Variants in HEY2 observed in about 807,000 individuals in gnomAD.
The protein encoded by HEY2 is hes related family bHLH transcription factor with YRPW motif 2, also known as hairy/enhancer-of-split related with YRPW motif protein 2.
HEY2 carries 10 observed loss-of-function variants against 18.1 expected under a neutral mutation model. The observed-to-expected ratio is 0.55, with a 90% CI of 0.34 to 0.94. The LOEUF (loss-of-function observed/expected upper bound fraction) is 0.94. Among genes scored for constraint, HEY2 ranks in the 40% least tolerant of loss-of-function variants. HEY2 has a pLI of 0.02. For synonymous variants in HEY2, 210 were observed against 182.7 expected, an observed-to-expected ratio of 1.15 and a Z score of -1.21; for missense variants, 455 against 455.9, an observed-to-expected ratio of 1.00 and a Z score of 0.02.
intron 4 of HEY2, among the ~76,000 whole-genome samples, chr6:125,755,280 C>G (rs933836974): frequency 6.6e-6 from 1 of 152,170 alleles, no homozygotes; most frequent in Non-Finnish European, 1.5e-5. Context: ...CTAAAAACAG[C>G]CTTGAGATCC....
intron 4 of HEY2, among the ~76,000 whole-genome samples, chr6:125,758,480 T>TA (rs1491368269): frequency 6.6e-6 from 1 of 152,240 alleles, no homozygotes; most frequent in Non-Finnish European, 1.5e-5. Context: ...AAATTTTTTT[T>TA]AAAAACTCAT....
At chr6:125,756,101 AG>A (rs1407882007) in intron 4 of HEY2, among the ~76,000 whole-genome samples, 1 of 152,226 alleles carries the variant, frequency 6.6e-6, no homozygotes, top group Non-Finnish European at 1.5e-5. Flanking sequence ...TATTGTTCTT[AG>A]GCTTTATTAT....
At chr6:125,751,946 A>T in intron 2 of HEY2, 61 bp from the exon 3 acceptor site, 1 of 1,586,864 alleles carries the variant, frequency 6.3e-7, no homozygotes, top group Non-Finnish European at 8.6e-7. Flanking sequence ...ACATTTTTTC[A>T]TTTGAGTAAT....
At position 125,754,489 on chromosome 6, in the gene HEY2, G is replaced by A; in HGVS notation, c.271G>A (p.Glu91Lys). The change falls in exon 4 of 5, where the codon GAA becomes AAA. Residue 91 changes from glutamate to lysine, a missense_variant. By Grantham distance (56) the Glu-to-Lys change is moderately conservative. Coordinates refer to ENST00000368364, the MANE Select transcript of HEY2 (RefSeq NM_012259.3). ...KQGSAKLEKAEILQMTVDHLK... is the reference protein window; with the variant it reads ...KQGSAKLEKAKILQMTVDHLK... The stretch of plus-strand genomic sequence containing the variant: ...GGGATCTGCAAAGTTAGAAAAAGCT[G>A]AAATATTGCAAATGACAGTGGATCA... 6.2e-7 allele frequency: 1 copy of A among 1,600,110 alleles called. No homozygotes were observed.
chr6:125,761,111 A>G lies in HEY2; in HGVS notation c.*1309A>G, dbSNP rs1373505824. 10 of 152,624 alleles carry G rather than the reference A, an allele frequency of 6.6e-5. No homozygotes were observed. The highest frequency in any genetic ancestry group is 8.8e-5 in the Non-Finnish European group (6 of 68,040). The allele number at this position is 152,624 out of a possible 1,614,324, so 9.5% of individuals were successfully genotyped here. A position where few individuals can be genotyped will look rare whatever the true frequency, so the allele number is the denominator to read the frequency against. On this transcript the variant is annotated 3_prime_UTR_variant, in exon 5 of 5. Transcript: ENST00000368364. ...CTTCATTTCTCTACTGTGTGGAGAAAGCAATAAACATTATGAGAATGTTAA... is the reference window on the plus strand; with the variant it reads ...CTTCATTTCTCTACTGTGTGGAGAAGGCAATAAACATTATGAGAATGTTAA...
Position 125,759,654 on chromosome 6 carries a change from T to C in HEY2, c.866T>C (p.Leu289Pro). ...TCCTTCGCGGGGGCATTCCCCATGCTTCCCCCAAACGCAGCAGCAGCAGTG... is the reference window on the plus strand; with the variant it reads ...TCCTTCGCGGGGGCATTCCCCATGCCTCCCCCAAACGCAGCAGCAGCAGTG... Reference protein sequence around the residue: ...PLSFAGAFPMLPPNAAAAVAA... With the variant: ...PLSFAGAFPMPPPNAAAAVAA... The change falls in exon 5 of 5, where the codon CTT becomes CCT. Residue 289 changes from leucine to proline, a missense_variant. Transcript: ENST00000368364. The C allele has an allele frequency of 6.2e-7, 1 of 1,611,728 alleles. No individual in the cohort carries two copies. Among genetic ancestry groups the C allele is most frequent in the Non-Finnish European group, 8.5e-7 (1 of 1,179,966 alleles).
chr6:125,759,666 C>T lies in HEY2; in HGVS notation c.878C>T (p.Ala293Val). ...GCATTCCCCATGCTTCCCCCAAACG[C>T]AGCAGCAGCAGTGGCCGCGGCCACA... ...AGAFPMLPPNAAAAVAAATAI... is the reference protein window; with the variant it reads ...AGAFPMLPPNVAAAVAAATAI... The change falls in exon 5 of 5, where the codon GCA becomes GTA. Residue 293 changes from alanine (A) to valine (V), a missense_variant. Ala to Val is a moderately conservative substitution (Grantham distance 64). Transcript: ENST00000368364. The T allele has an allele frequency of 6.2e-7, 1 of 1,611,590 alleles. No homozygotes were observed. Among genetic ancestry groups the T allele is most frequent in the Non-Finnish European group, 8.5e-7 (1 of 1,179,822 alleles).
At chr6:125,752,909 A>G (rs1434441465) in intron 3 of HEY2, among the ~76,000 whole-genome samples, 1 of 152,162 alleles carries the variant, frequency 6.6e-6, no homozygotes, top group East Asian at 1.9e-4. Context: ...TGTTTATTCC[A>G]TTTTGTTTGT....
At chr6:125,753,828 A>C (rs1202853490) in intron 3 of HEY2, among the ~76,000 whole-genome samples, 1 of 152,226 alleles carries the variant, frequency 6.6e-6, no homozygotes, top group African/African-American at 2.4e-5. Flanking sequence ...TTGTGAGCTT[A>C]GAAATTCACA....
At chr6:125,755,759 A>G (rs1245182457) in intron 4 of HEY2, among the ~76,000 whole-genome samples, 3 of 152,200 alleles carry the variant, frequency 2.0e-5, no homozygotes, top group African/African-American at 7.2e-5. Context: ...ATGAAATGCA[A>G]ACATTCTTAC....
chr6:125,759,321 A>T lies in HEY2; in HGVS notation c.533A>T (p.His178Leu). ...ACATCCTCCATGGCCCACCACCATC[A>T]TCCGCTCCACCCGCATCACTGGGCC... is the stretch of plus-strand genomic sequence containing the variant. ...AMTSSMAHHH[H>L]PLHPHHWAAA... Residue 178 changes from histidine to leucine, a missense_variant, in exon 5 of 5, where the codon CAT (histidine) becomes CTT (leucine). By Grantham distance (99) the His-to-Leu change is moderately conservative. Transcript: ENST00000368364. 1 of 1,605,552 alleles carries T rather than the reference A, an allele frequency of 6.2e-7. No homozygotes were observed. Among genetic ancestry groups the T allele is most frequent in the Admixed American group, 1.7e-5 (1 of 59,896 alleles).
chr6:125,750,347 G>T, intron 1 of HEY2: 1 of 985,410 alleles, frequency 1.0e-6, no homozygotes, highest in Non-Finnish European at 1.2e-6. Flanking sequence ...CAGGTTGACC[G>T]TGTGTGACTT....
rs965708913 is a variant in HEY2 at position 125,760,446 on chromosome 6, A to G, written c.*644A>G. 4 of 152,546 alleles carry G rather than the reference A, an allele frequency of 2.6e-5. No individual in the cohort carries two copies. The highest frequency in any genetic ancestry group is 5.9e-5 in the Non-Finnish European group (4 of 68,306). 9.4% of individuals were successfully genotyped at this position (152,546 alleles called of 1,614,324 possible). On this transcript the variant is annotated 3_prime_UTR_variant, in exon 5 of 5. Coordinates refer to ENST00000368364, the MANE Select transcript of HEY2 (RefSeq NM_012259.3). ...CTTAGTTTGCCTTCTTTGTACAGACATGCCAAGAGGTGACATTTAGCAGTG... is the reference window on the plus strand; with the variant it reads ...CTTAGTTTGCCTTCTTTGTACAGACGTGCCAAGAGGTGACATTTAGCAGTG...
intron 4 of HEY2, among the ~76,000 whole-genome samples, chr6:125,757,088 G>A (rs146611065): frequency 6.6e-6 from 1 of 152,260 alleles, no homozygotes; most frequent in African/African-American, 2.4e-5. Flanking sequence ...AAGCTCTTGG[G>A]GCTCCAATTC....
rs1266244207 is a variant in HEY2, at chr6:125,759,462, C to T, written c.674C>T (p.Ala225Val). ...TSEVPPAHGS[A>V]LLTATFAHAD... Reference sequence around the variant, plus strand: ...GAAGTGCCTCCTGCCCACGGCTCTGCTCTCCTCACGGCCACGTTTGCCCAT... The same window carrying T: ...GAAGTGCCTCCTGCCCACGGCTCTGTTCTCCTCACGGCCACGTTTGCCCAT... The change falls in exon 5 of 5, where the codon GCT becomes GTT. Residue 225 changes from alanine (A) to valine (V), a missense_variant. By Grantham distance (64) the Ala-to-Val change is moderately conservative. Transcript: ENST00000368364. The T allele has an allele frequency of 6.2e-7, 1 of 1,611,654 alleles. No homozygotes were observed.
intron 3 of HEY2, among the ~76,000 whole-genome samples, chr6:125,753,011 A>G (rs917840450): frequency 6.6e-6 from 1 of 152,248 alleles, no homozygotes; most frequent in Non-Finnish European, 1.5e-5. Context: ...TAGTGACTTT[A>G]CTGAATCTGC....
rs1773738090 is a variant in HEY2, at chr6:125,759,361, C to G, written c.573C>G (p.His191Gln). Residue 191 changes from histidine (H) to glutamine (Q), a missense_variant, in exon 5 of 5, where the codon CAC becomes CAG. Coordinates refer to ENST00000368364, the MANE Select transcript of HEY2 (RefSeq NM_012259.3). Reference protein sequence around the residue: ...HPHHWAAAFHHLPAALLQPNG... With the variant: ...HPHHWAAAFHQLPAALLQPNG... Reference sequence around the variant, plus strand: ...ATCACTGGGCCGCCGCCTTCCACCACCTGCCCGCAGCCCTGCTCCAGCCCA... The same window carrying G: ...ATCACTGGGCCGCCGCCTTCCACCAGCTGCCCGCAGCCCTGCTCCAGCCCA... 6.2e-7 allele frequency: 1 copy of G among 1,605,350 alleles called. No homozygotes were observed. The highest frequency in any genetic ancestry group is 8.5e-7 in the Non-Finnish European group (1 of 1,176,974).
chr6:125,751,953 T>C, intron 2 of HEY2, 54 bp from the exon 3 acceptor site: 1 of 1,588,874 alleles, frequency 6.3e-7, no homozygotes, highest in Non-Finnish European at 8.6e-7. Context: ...TTCATTTGAG[T>C]AATTTTATCA....
At chr6:125,755,823 T>C (rs1205126457) in intron 4 of HEY2, among the ~76,000 whole-genome samples, 1 of 152,234 alleles carries the variant, frequency 6.6e-6, no homozygotes, top group Non-Finnish European at 1.5e-5. Flanking sequence ...CCAGCCTAGC[T>C]TGACCACTGC....
Sources: allele counts gnomAD v4.1 joint callset (sites outside exome capture counted in the v4.1 genomes callset), GRCh38; gene constraint gnomAD v4.1.1; transcripts MANE v1.5; gene names NCBI Gene and HGNC (gene_info 2026-07-23, HGNC 2026-07-21).